Variants in MAN1A1 observed in about 807,000 individuals in gnomAD.
MAN1A1 encodes the protein mannosidase alpha class 1A member 1, also known as mannosyl-oligosaccharide 1,2-alpha-mannosidase IA.
MAN1A1 carries 29 observed loss-of-function variants against 70.8 expected under a neutral mutation model. The ratio of observed to expected loss-of-function variants is 0.41; its 90% confidence interval spans 0.31 to 0.56. The LOEUF is 0.56. Among genes scored for constraint, MAN1A1 ranks in the 20% least tolerant of loss-of-function variants. The pLI is 0.29. For synonymous variants in MAN1A1, 349 were observed against 330.1 expected (o/e 1.06, Z -0.62); for missense variants, 747 against 841.3 (o/e 0.89, Z 1.39).
intron 4 of MAN1A1, among the ~76,000 whole-genome samples, 181 bp from the exon 5 acceptor site, chr6:119,290,944 C>T (rs565912150): frequency 7.2e-5 from 11 of 152,028 alleles, no homozygotes; most frequent in East Asian, 3.9e-4. Context: ...GTGCATTATA[C>T]GTATCGAAAC....
rs975937719 is a variant in MAN1A1 at position 119,189,670 on chromosome 6, G to A, written c.1540C>T (p.Arg514Ter). Residue 514 changes from arginine to a stop codon, truncating the protein, a stop_gained, in exon 10 of 13, where the codon CGA becomes TGA. Transcript: ENST00000368468. LOFTEE classifies it high-confidence loss of function. ...IARTCHESYN[R>*]TFMKLGPEAF... ...AAGAATAACATGTACTCACATGTTC[G>A]ATTATATGATTCATGACAAGTACGG... The A allele has an allele frequency of 3.1e-6, 5 of 1,613,654 alleles. No homozygotes were observed. The highest frequency in any genetic ancestry group is 1.7e-5 in the Admixed American group (1 of 60,006).
intron 2 of MAN1A1, among the ~76,000 whole-genome samples, chr6:119,335,464 G>T (rs1773427803): frequency 6.6e-6 from 1 of 152,148 alleles, no homozygotes; most frequent in Non-Finnish European, 1.5e-5. Flanking sequence ...AAAACATTTT[G>T]TTGATATACT....
intron 3 of MAN1A1, among the ~76,000 whole-genome samples, chr6:119,302,470 C>T (rs1772418037): frequency 6.6e-6 from 1 of 151,976 alleles, no homozygotes; most frequent in African/African-American, 2.4e-5. Flanking sequence ...CAACCTCCAC[C>T]TCCCGGGTTC....
At chr6:119,195,122 G>A (rs2114938320) in intron 8 of MAN1A1, among the ~76,000 whole-genome samples, 1 of 152,202 alleles carries the variant, frequency 6.6e-6, no homozygotes, top group Non-Finnish European at 1.5e-5. Context: ...ATGAGGCACT[G>A]CGCCTGGCCC....
intron 4 of MAN1A1, among the ~76,000 whole-genome samples, chr6:119,296,835 G>C (rs1772228982): frequency 6.6e-6 from 1 of 152,180 alleles, no homozygotes; most frequent in Non-Finnish European, 1.5e-5. Context: ...GGTGTTGCTA[G>C]TTAGTGTCCA....
intron 4 of MAN1A1, among the ~76,000 whole-genome samples, chr6:119,297,533 G>C (rs780588387): frequency 1.3e-5 from 2 of 151,954 alleles, no homozygotes; most frequent in Non-Finnish European, 2.9e-5. Context: ...CAAGGTCATT[G>C]AGTTAGGCAG....
chr6:119,277,809 C>T (rs540923035), intron 5 of MAN1A1, among the ~76,000 whole-genome samples: 7 of 151,198 alleles, frequency 4.6e-5, no homozygotes, highest in African/African-American at 7.3e-5. Context: ...TGGTGGCGGG[C>T]GCCTGTAGTC....
At position 119,311,981 on chromosome 6, in the gene MAN1A1, G is replaced by A. The variant is rs149541336; in HGVS notation, c.604-4989C>T. On this transcript the variant is annotated intron_variant, in intron 2 of 12. Transcript: ENST00000368468. ...GGTGTTGGCGGGCTCTTGAATTAAC[G>A]GGTCTCAGCCTGCAGTGAGGAAATA... Among the ~76,000 whole-genome samples the A allele has an allele frequency of 6.7e-3, 1,026 of 152,202 alleles. 9 individuals are homozygous for A. The highest frequency in any genetic ancestry group is 9.8e-3 in the Non-Finnish European group (669 of 68,016).
intron 5 of MAN1A1, among the ~76,000 whole-genome samples, chr6:119,250,132 C>A (rs1407436849): frequency 6.6e-6 from 1 of 152,182 alleles, no homozygotes; most frequent in African/African-American, 2.4e-5. Context: ...CTCTGCCTTA[C>A]CCCAGAGAAA....
intron 9 of MAN1A1, among the ~76,000 whole-genome samples, chr6:119,191,805 G>C (rs1016875430): frequency 6.6e-6 from 1 of 152,146 alleles, no homozygotes; most frequent in Non-Finnish European, 1.5e-5. Context: ...AGCTACAACA[G>C]AGTAGCCATA....
intron 5 of MAN1A1, among the ~76,000 whole-genome samples, chr6:119,262,849 T>C (rs1194444117): frequency 6.6e-6 from 1 of 152,210 alleles, no homozygotes; most frequent in East Asian, 1.9e-4. Flanking sequence ...TTGATTGGAC[T>C]GAGGGATACA....
At chr6:119,320,364 A>G (rs1276851559) in intron 2 of MAN1A1, among the ~76,000 whole-genome samples, 3 of 152,200 alleles carry the variant, frequency 2.0e-5, no homozygotes, top group Non-Finnish European at 2.9e-5. Flanking sequence ...TTAGCATTTA[A>G]GTAGTTATAC....
chr6:119,246,308 C>T (rs926383466), intron 6 of MAN1A1, among the ~76,000 whole-genome samples: 3 of 152,150 alleles, frequency 2.0e-5, no homozygotes, highest in African/African-American at 7.2e-5. Context: ...TGATCATCTG[C>T]TCTAGGATTG....
intron 8 of MAN1A1, among the ~76,000 whole-genome samples, chr6:119,197,177 C>T (rs780490999): frequency 2.6e-5 from 4 of 151,910 alleles, no homozygotes; most frequent in East Asian, 1.9e-4. Context: ...GGTGTAGGGG[C>T]GGGCACCTGT....
intron 4 of MAN1A1, among the ~76,000 whole-genome samples, chr6:119,295,802 T>C (rs963528909): frequency 1.1e-4 from 16 of 152,168 alleles, no homozygotes; most frequent in Non-Finnish European, 2.9e-5. Context: ...TTATCATACA[T>C]GAGAATCAAG....
intron 5 of MAN1A1, among the ~76,000 whole-genome samples, chr6:119,249,647 C>T (rs1252522814): frequency 1.3e-5 from 2 of 152,114 alleles, no homozygotes; most frequent in Non-Finnish European, 2.9e-5. Context: ...AAAGAAGTCA[C>T]GTGTGGCTTC....
chr6:119,214,138 G>C (rs956850560), intron 6 of MAN1A1, among the ~76,000 whole-genome samples: 3 of 152,056 alleles, frequency 2.0e-5, no homozygotes, highest in African/African-American at 7.2e-5. Context: ...CTTAATTTTT[G>C]TATTTTTAGT....
chr6:119,270,899 C>T (rs1242499078), intron 5 of MAN1A1, among the ~76,000 whole-genome samples: 2 of 152,190 alleles, frequency 1.3e-5, no homozygotes, highest in African/African-American at 2.4e-5. Flanking sequence ...AGAATCAGTA[C>T]ATATTCCCAA....
chr6:119,220,787 A>G (rs968306918), intron 6 of MAN1A1, among the ~76,000 whole-genome samples: 17 of 152,180 alleles, frequency 1.1e-4, no homozygotes, highest in African/African-American at 4.1e-4. Context: ...ATACTTCTAT[A>G]TAGGTTAGCA....
Sources: gnomAD v4.1 joint callset for allele counts (sites outside exome capture counted in the v4.1 genomes callset) on GRCh38, gnomAD v4.1.1 for gene constraint, MANE v1.5 for transcripts, NCBI Gene and HGNC (gene_info 2026-07-23, HGNC 2026-07-21) for gene names.